PARP8: variants seen among roughly 807,000 people sequenced by gnomAD.
The protein encoded by PARP8 is protein mono-ADP-ribosyltransferase PARP8.
A neutral mutation model predicts 124.1 loss-of-function variants in PARP8; 51 were observed. That is an observed-to-expected ratio of 0.41 (90% CI 0.33 to 0.52). PARP8 has a LOEUF of 0.52. Ranked by LOEUF, PARP8 falls within the 20% of genes least tolerant of loss-of-function variation. The pLI is 0.21. For synonymous variants in PARP8, 391 were observed against 361.5 expected (o/e 1.08, Z -0.93); for missense variants, 860 against 1,018.9 (o/e 0.84, Z 2.12).
At chr5:50,712,775 T>A (rs1754901152) in intron 2 of PARP8, among the ~76,000 whole-genome samples, 1 of 150,754 alleles carries the variant, frequency 6.6e-6, no homozygotes, top group Non-Finnish European at 1.5e-5. Context: ...GATCTGGTGG[T>A]CAGAAGGAGA....
At chr5:50,796,059 A>C (rs909385891) in intron 12 of PARP8, among the ~76,000 whole-genome samples, 1 of 152,256 alleles carries the variant, frequency 6.6e-6, no homozygotes, top group African/African-American at 2.4e-5. Flanking sequence ...CTCTTACACA[A>C]AATTTATCGC....
At chr5:50,709,399 A>G (rs1754488620) in intron 2 of PARP8, among the ~76,000 whole-genome samples, 1 of 151,684 alleles carries the variant, frequency 6.6e-6, no homozygotes, top group Non-Finnish European at 1.5e-5. Context: ...TGCCAAGTAT[A>G]TTCTGGTTAT....
At chr5:50,767,034 T>C (rs1761122941) in intron 7 of PARP8, among the ~76,000 whole-genome samples, 1 of 152,178 alleles carries the variant, frequency 6.6e-6, no homozygotes, top group South Asian at 2.1e-4. Flanking sequence ...TCTTTAGTGT[T>C]AGGCATGGAT....
intron 2 of PARP8, among the ~76,000 whole-genome samples, chr5:50,715,861 T>TA (rs1371155313): frequency 3.3e-5 from 5 of 151,646 alleles, no homozygotes; most frequent in African/African-American, 9.7e-5. Context: ...TAACCTTTTT[T>TA]AAAAAAATAC....
intron 7 of PARP8, among the ~76,000 whole-genome samples, chr5:50,771,209 G>T (rs1446451502): frequency 6.6e-6 from 1 of 151,034 alleles, no homozygotes; most frequent in African/African-American, 2.4e-5. Context: ...GCCCAAGCTG[G>T]AGTGCAATGG....
intron 7 of PARP8, among the ~76,000 whole-genome samples, chr5:50,768,748 A>G (rs923905344): frequency 2.0e-5 from 3 of 152,198 alleles, no homozygotes; most frequent in African/African-American, 4.8e-5. Flanking sequence ...TGGGCCACTG[A>G]AAGTTATTCA....
chr5:50,844,888 T>TTA lies in PARP8; in HGVS notation c.*2823_*2824dup, dbSNP rs1748501662. ...AAATAATCTAGTGCTATAAAATGCA[T>TTA]TATAGTAAGACACTTTTGGTGTCTT... On this transcript the variant is annotated 3_prime_UTR_variant, in exon 26 of 26. Transcript: ENST00000281631. 2.0e-5 allele frequency: 3 copies of TTA among 151,740 alleles called. No homozygotes were observed. The highest frequency in any genetic ancestry group is 2.0e-4 in the Admixed American group (3 of 15,194). The allele number at this position is 151,740 out of a possible 1,614,324, so 9.4% of individuals were successfully genotyped here.
intron 12 of PARP8, among the ~76,000 whole-genome samples, chr5:50,796,057 C>G (rs1369671529): frequency 6.6e-6 from 1 of 152,184 alleles, no homozygotes; most frequent in Non-Finnish European, 1.5e-5. Flanking sequence ...AACTCTTACA[C>G]AAAATTTATC....
chr5:50,838,661 G>A (rs1747843736), intron 25 of PARP8, among the ~76,000 whole-genome samples: 2 of 151,952 alleles, frequency 1.3e-5, no homozygotes, highest in Admixed American at 1.3e-4. Context: ...GCCCAGACAG[G>A]CTGATAGTTA....
intron 7 of PARP8, among the ~76,000 whole-genome samples, chr5:50,776,708 T>C (rs1170818155): frequency 1.3e-5 from 2 of 152,136 alleles, no homozygotes; most frequent in Non-Finnish European, 2.9e-5. Context: ...AAGAAAAAGA[T>C]CCCCTAGATT....
At chr5:50,782,444 A>G (rs1292215178) in intron 9 of PARP8, among the ~76,000 whole-genome samples, 1 of 152,242 alleles carries the variant, frequency 6.6e-6, no homozygotes, top group Non-Finnish European at 1.5e-5. Flanking sequence ...GAAAATGTGC[A>G]GTAATGTATA....
intron 17 of PARP8, 145 bp downstream of exon 17, chr5:50,822,545 T>A: frequency 1.6e-6 from 1 of 618,412 alleles, no homozygotes; most frequent in Non-Finnish European, 2.9e-6. Flanking sequence ...CACATCAGTG[T>A]ACTAGCATGT....
At chr5:50,703,541 A>C (rs1753812168) in intron 2 of PARP8, among the ~76,000 whole-genome samples, 1 of 152,078 alleles carries the variant, frequency 6.6e-6, no homozygotes, top group Non-Finnish European at 1.5e-5. Context: ...TCATCATTCC[A>C]CACATACTTA....
chr5:50,808,942 C>T (rs1744146855), intron 14 of PARP8, among the ~76,000 whole-genome samples: 1 of 151,956 alleles, frequency 6.6e-6, no homozygotes. Context: ...TAACCTTCAA[C>T]ATGGAAGTTC....
In PARP8 at chr5:50,827,549, C is replaced by G. The variant is rs1036591232; in HGVS notation, c.1978-395C>G. Among the ~76,000 whole-genome samples the G allele has an allele frequency of 5.9e-5, 9 of 152,072 alleles. 1 individual carries two copies. The highest frequency in any genetic ancestry group is 2.6e-4 in the Admixed American group (4 of 15,256). On this transcript the variant is annotated intron_variant, in intron 19 of 25. Transcript: ENST00000281631. ...TTATAAACTTTTCTTTTCTGCTTAG[C>G]AAACTCCAGAATATTTCCCCAATTG...
chr5:50,771,126 CAT>C (rs993890723), intron 7 of PARP8, among the ~76,000 whole-genome samples: 30 of 150,362 alleles, frequency 2.0e-4, no homozygotes, highest in Admixed American at 5.3e-4. Context: ...TACACACACA[CAT>C]ATATATACAC....
intron 3 of PARP8, chr5:50,757,265 C>A: frequency 1.2e-5 from 5 of 400,118 alleles, no homozygotes; most frequent in South Asian, 3.6e-5. Context: ...AAGACTGAAT[C>A]ATAAAAAAAA....
At chr5:50,707,024 C>T (rs1754222284) in intron 2 of PARP8, among the ~76,000 whole-genome samples, 1 of 151,932 alleles carries the variant, frequency 6.6e-6, no homozygotes, top group South Asian at 2.1e-4. Flanking sequence ...TATATAGCTG[C>T]TTTTTTATTG....
chr5:50,667,023 G>GA lies in PARP8; in HGVS notation c.-70dup. ...GTTTCATTTTTAACTGAATATTTAC[G>GA]AAAGCTGGAAGCGTGCGAGGGGGGT... On this transcript the variant is annotated 5_prime_UTR_variant, in exon 1 of 26. Coordinates refer to ENST00000281631, the MANE Select transcript of PARP8 (RefSeq NM_024615.4). 6.4e-7 allele frequency: 1 copy of GA among 1,569,188 alleles called. No individual in the cohort carries two copies. Among genetic ancestry groups the GA allele is most frequent in the East Asian group, 2.3e-5 (1 of 42,892 alleles).
Sources: gnomAD v4.1 joint callset for allele counts (sites outside exome capture counted in the v4.1 genomes callset) on GRCh38, gnomAD v4.1.1 for gene constraint, MANE v1.5 for transcripts, NCBI Gene and HGNC (gene_info 2026-07-23, HGNC 2026-07-21) for gene names.